MARCHF1: variants seen among roughly 807,000 people sequenced by gnomAD.
MARCHF1 encodes the protein membrane associated ring-CH-type finger 1.
MARCHF1 carries 40 observed loss-of-function variants against 54.2 expected under a neutral mutation model. That is an observed-to-expected ratio of 0.74 (90% CI 0.57 to 0.96). MARCHF1 has a LOEUF of 0.96. Ranked by LOEUF, MARCHF1 falls within the 40% of genes least tolerant of loss-of-function variation. MARCHF1 has a pLI of 0.00. For missense variants in MARCHF1, 586 were observed against 656.5 expected (o/e 0.89, Z 1.17); for synonymous variants, 236 against 236.3 (o/e 1.00, Z 0.01).
At chr4:163,715,663 T>C (rs1222842051) in intron 4 of MARCHF1, among the ~76,000 whole-genome samples, 2 of 152,108 alleles carry the variant, frequency 1.3e-5, no homozygotes, top group African/African-American at 2.4e-5. Context: ...ATGTACATAC[T>C]ATGGCAAAAA....
intron 1 of MARCHF1, among the ~76,000 whole-genome samples, chr4:164,336,811 T>A (rs1246932927): frequency 6.6e-6 from 1 of 152,188 alleles, no homozygotes. Flanking sequence ...AGGGCTGGCA[T>A]GTACAAAAAC....
chr4:164,163,511 A>C (rs532117895), intron 1 of MARCHF1, among the ~76,000 whole-genome samples: 10 of 152,098 alleles, frequency 6.6e-5, no homozygotes, highest in African/African-American at 2.2e-4. Context: ...CCAGAATAGA[A>C]AACCAATCAA....
intron 2 of MARCHF1, among the ~76,000 whole-genome samples, chr4:164,083,253 G>A (rs991346428): frequency 6.6e-6 from 1 of 152,036 alleles, no homozygotes; most frequent in Non-Finnish European, 1.5e-5. Context: ...AGTCAGATGA[G>A]GGTGGATATA....
In MARCHF1 at chr4:164,282,057, T is replaced by C. The variant is rs1734039738; in HGVS notation, c.-323+101813A>G. 1.3e-5 allele frequency among the ~76,000 whole-genome samples: 2 copies of C among 150,934 alleles called. 1 individual carries two copies. Among genetic ancestry groups the C allele is most frequent in the Admixed American group, 1.3e-4 (2 of 14,842 alleles). On this transcript the variant is annotated intron_variant, in intron 1 of 9. Coordinates refer to ENST00000514618, the MANE Select transcript of MARCHF1 (RefSeq NM_001394959.1). ...ACCTCTAGTACCCAATTTATAAACTTGCATAAATCATTATTTCCTCTGAAT... is the reference window on the plus strand; with the variant it reads ...ACCTCTAGTACCCAATTTATAAACTCGCATAAATCATTATTTCCTCTGAAT...
chr4:163,729,538 A>C (rs1480419936), intron 4 of MARCHF1, among the ~76,000 whole-genome samples: 1 of 152,108 alleles, frequency 6.6e-6, no homozygotes, highest in Non-Finnish European at 1.5e-5. Context: ...AATAGATACA[A>C]GCCTACTCAA....
intron 1 of MARCHF1, among the ~76,000 whole-genome samples, chr4:164,147,950 A>T (rs1317020616): frequency 6.6e-6 from 1 of 152,162 alleles, no homozygotes; most frequent in Non-Finnish European, 1.5e-5. Context: ...AATATAGCAA[A>T]GTATAATCTA....
At chr4:164,346,502 G>C (rs1730101440) in intron 1 of MARCHF1, among the ~76,000 whole-genome samples, 1 of 151,452 alleles carries the variant, frequency 6.6e-6, no homozygotes, top group Admixed American at 6.6e-5. Flanking sequence ...AAAGGCCCTG[G>C]AGGCCAGGTC....
chr4:164,180,599 G>A (rs961347632), intron 1 of MARCHF1, among the ~76,000 whole-genome samples: 4 of 152,138 alleles, frequency 2.6e-5, no homozygotes, highest in Non-Finnish European at 5.9e-5. Flanking sequence ...TTATGCAGCA[G>A]AGGAGACAGT....
At chr4:164,376,232 A>G (rs1731186852) in intron 1 of MARCHF1, among the ~76,000 whole-genome samples, 1 of 152,232 alleles carries the variant, frequency 6.6e-6, no homozygotes, top group African/African-American at 2.4e-5. Flanking sequence ...ATGACCTCAC[A>G]GTTACTAGAA....
At chr4:163,616,959 C>G (rs1227145296) in intron 5 of MARCHF1, among the ~76,000 whole-genome samples, 1 of 151,924 alleles carries the variant, frequency 6.6e-6, no homozygotes, top group Non-Finnish European at 1.5e-5. Flanking sequence ...TATGTGAACC[C>G]CCATGATTAT....
chr4:163,935,964 C>T (rs1751786212), intron 3 of MARCHF1, among the ~76,000 whole-genome samples: 1 of 152,080 alleles, frequency 6.6e-6, no homozygotes, highest in Non-Finnish European at 1.5e-5. Flanking sequence ...TATTTCTAGT[C>T]TTTGATTTAA....
intron 5 of MARCHF1, among the ~76,000 whole-genome samples, chr4:163,648,545 GC>G (rs1246953867): frequency 6.7e-6 from 1 of 149,334 alleles, no homozygotes. Context: ...TATTCACTTT[GC>G]CATTCTATAG....
intron 3 of MARCHF1, among the ~76,000 whole-genome samples, chr4:163,904,591 A>T (rs1751015157): frequency 6.6e-6 from 1 of 152,196 alleles, no homozygotes; most frequent in South Asian, 2.1e-4. Flanking sequence ...ATACTTAGAG[A>T]TTTAGCCCTT....
At chr4:163,835,398 G>T (rs546031019) in intron 4 of MARCHF1, among the ~76,000 whole-genome samples, 1 of 152,254 alleles carries the variant, frequency 6.6e-6, no homozygotes, top group East Asian at 1.9e-4. Context: ...TTTTAAGTTT[G>T]GCCTGAAGGT....
intron 1 of MARCHF1, among the ~76,000 whole-genome samples, chr4:164,161,806 C>G (rs561285514): frequency 6.6e-6 from 1 of 152,154 alleles, no homozygotes; most frequent in Admixed American, 6.6e-5. Context: ...AGCCACCTTG[C>G]TGCTATGAAA....
At chr4:163,627,099 T>C (rs1472846835) in intron 5 of MARCHF1, among the ~76,000 whole-genome samples, 1 of 152,238 alleles carries the variant, frequency 6.6e-6, no homozygotes, top group African/African-American at 2.4e-5. Flanking sequence ...TGACCTGGTC[T>C]AACCCTCATC....
intron 5 of MARCHF1, among the ~76,000 whole-genome samples, chr4:163,659,615 C>A (rs940658896): frequency 6.6e-6 from 1 of 151,920 alleles, no homozygotes; most frequent in Non-Finnish European, 1.5e-5. Context: ...ACTGAACAGG[C>A]AACCTACAGA....
intron 1 of MARCHF1, among the ~76,000 whole-genome samples, chr4:164,191,053 C>A (rs1182523486): frequency 6.6e-6 from 1 of 152,158 alleles, no homozygotes; most frequent in African/African-American, 2.4e-5. Context: ...CAGAATTGTG[C>A]AAATCTCTTT....
At chr4:164,303,686 C>CT (rs1025706166) in intron 1 of MARCHF1, among the ~76,000 whole-genome samples, 36 of 152,038 alleles carry the variant, frequency 2.4e-4, no homozygotes, top group African/African-American at 6.5e-4. Flanking sequence ...TGGGGTTTAA[C>CT]TTATTCAACC....
Sources: allele counts gnomAD v4.1 joint callset (sites outside exome capture counted in the v4.1 genomes callset), GRCh38; gene constraint gnomAD v4.1.1; transcripts MANE v1.5; gene names NCBI Gene and HGNC (gene_info 2026-07-23, HGNC 2026-07-21).